KDM4C: variants seen among roughly 807,000 people sequenced by gnomAD.
KDM4C encodes lysine-specific demethylase 4C.
A neutral mutation model predicts 129.3 loss-of-function variants in KDM4C; 81 were observed. That is an observed-to-expected ratio of 0.63 (90% confidence interval 0.52 to 0.75). The LOEUF is 0.75. Among genes scored for constraint, KDM4C ranks in the 30% least tolerant of loss-of-function variants. The pLI is 0.00. For missense variants in KDM4C, 1,457 were observed against 1,304.0 expected (o/e 1.12, Z -1.81); for synonymous variants, 573 against 456.1 (o/e 1.26, Z -3.26).
At chr9:6,811,515 T>C (rs1338585647) in intron 3 of KDM4C, among the ~76,000 whole-genome samples, 2 of 152,174 alleles carry the variant, frequency 1.3e-5, no homozygotes, top group Non-Finnish European at 2.9e-5. Flanking sequence ...GACGATGACA[T>C]GCTCATTTGG....
chr9:6,787,551 T>C (rs1215337538), intron 1 of KDM4C, among the ~76,000 whole-genome samples: 2 of 152,254 alleles, frequency 1.3e-5, no homozygotes, highest in Admixed American at 6.5e-5. Flanking sequence ...ATTCTTCTGT[T>C]GCTTAGACCA....
chr9:7,171,947 A>ACGGT (rs1845008174), intron 21 of KDM4C, among the ~76,000 whole-genome samples: 1 of 152,216 alleles, frequency 6.6e-6, no homozygotes, highest in Non-Finnish European at 1.5e-5. Flanking sequence ...ACAAAGGCTC[A>ACGGT]CGGTCACTAA....
At chr9:7,136,000 G>A (rs1841165223) in intron 19 of KDM4C, among the ~76,000 whole-genome samples, 1 of 152,234 alleles carries the variant, frequency 6.6e-6, no homozygotes, top group South Asian at 2.1e-4. Flanking sequence ...AAAACACCCA[G>A]TGGAGGTTAT....
intron 8 of KDM4C, among the ~76,000 whole-genome samples, chr9:6,933,925 T>C (rs1029892692): frequency 6.6e-5 from 10 of 151,924 alleles, no homozygotes; most frequent in African/African-American, 9.7e-5. Context: ...TCTTGGCTCA[T>C]GACAATCTCC....
At chr9:6,963,063 A>C (rs1299699557) in intron 8 of KDM4C, among the ~76,000 whole-genome samples, 1 of 152,208 alleles carries the variant, frequency 6.6e-6, no homozygotes, top group Non-Finnish European at 1.5e-5. Context: ...AACTTTATGC[A>C]AATTACTTAA....
intron 4 of KDM4C, among the ~76,000 whole-genome samples, chr9:6,843,906 A>G (rs1337276246): frequency 6.6e-6 from 1 of 152,124 alleles, no homozygotes; most frequent in Admixed American, 6.5e-5. Context: ...GCTGGAGTGC[A>G]GTGGCACAAT....
At chr9:6,893,040 T>C in intron 7 of KDM4C, 55 bp from the exon 8 acceptor site, 3 of 1,292,376 alleles carry the variant, frequency 2.3e-6, no homozygotes, top group Non-Finnish European at 3.1e-6. Context: ...TTAATTGTAT[T>C]CATAATTTAG....
At chr9:6,930,987 T>C (rs1163471110) in intron 8 of KDM4C, among the ~76,000 whole-genome samples, 2 of 152,162 alleles carry the variant, frequency 1.3e-5, no homozygotes, top group Non-Finnish European at 2.9e-5. Flanking sequence ...TGCTGAAATA[T>C]GCAACTGCAT....
At chr9:6,907,532 T>C (rs1461649302) in intron 8 of KDM4C, among the ~76,000 whole-genome samples, 1 of 152,200 alleles carries the variant, frequency 6.6e-6, no homozygotes, top group African/African-American at 2.4e-5. Context: ...ATTTGTTTCC[T>C]CCAGAATATT....
chr9:7,007,764 T>C (rs765827412), intron 12 of KDM4C, among the ~76,000 whole-genome samples: 6 of 152,178 alleles, frequency 3.9e-5, no homozygotes, highest in Non-Finnish European at 7.3e-5. Flanking sequence ...TTATTGATAT[T>C]TACTTACTGG....
At chr9:6,899,740 T>C (rs1817079965) in intron 8 of KDM4C, among the ~76,000 whole-genome samples, 1 of 152,226 alleles carries the variant, frequency 6.6e-6, no homozygotes, top group South Asian at 2.1e-4. Context: ...GTCTGAGACT[T>C]CAGGTATGAT....
intron 8 of KDM4C, among the ~76,000 whole-genome samples, chr9:6,950,942 G>A (rs557462949): frequency 6.6e-6 from 1 of 152,222 alleles, no homozygotes; most frequent in Non-Finnish European, 1.5e-5. Context: ...TTGAATTTTG[G>A]GGGGAGGAGG....
chr9:7,014,939 CA>C (rs1159924847), intron 14 of KDM4C, among the ~76,000 whole-genome samples: 5 of 151,434 alleles, frequency 3.3e-5, no homozygotes. Flanking sequence ...CACACACACA[CA>C]CACACACACA....
At chr9:7,055,079 A>G (rs774781630) in intron 17 of KDM4C, among the ~76,000 whole-genome samples, 10 of 152,132 alleles carry the variant, frequency 6.6e-5, no homozygotes, top group South Asian at 2.1e-4. Context: ...TCGGGAGCCT[A>G]TCGCAGGAGA....
chr9:6,773,180 T>G (rs2130651908), intron 1 of KDM4C, among the ~76,000 whole-genome samples: 2 of 151,964 alleles, frequency 1.3e-5, no homozygotes, highest in Middle Eastern at 6.8e-3. Flanking sequence ...TTTAATTTTA[T>G]TTGGAGAGAC....
At chr9:7,140,140 T>G (rs993777589) in intron 19 of KDM4C, among the ~76,000 whole-genome samples, 4 of 152,148 alleles carry the variant, frequency 2.6e-5, no homozygotes, top group African/African-American at 4.8e-5. Context: ...GGAGACAGCC[T>G]TTCCCTGGTG....
At chr9:6,798,982 A>G (rs187041501) in intron 2 of KDM4C, among the ~76,000 whole-genome samples, 32 of 111,368 alleles carry the variant, frequency 2.9e-4, no homozygotes, top group African/African-American at 7.7e-4. Flanking sequence ...CCGGGCAGAG[A>G]CGCTCCTCAC....
chr9:6,917,578 G>A (rs1820549270), intron 8 of KDM4C, among the ~76,000 whole-genome samples: 1 of 152,156 alleles, frequency 6.6e-6, no homozygotes, highest in Non-Finnish European at 1.5e-5. Flanking sequence ...TAAGCATGCA[G>A]CCATCCCATT....
At chr9:7,121,600 T>G (rs986772726) in intron 18 of KDM4C, among the ~76,000 whole-genome samples, 1 of 152,134 alleles carries the variant, frequency 6.6e-6, no homozygotes, top group Non-Finnish European at 1.5e-5. Flanking sequence ...GTTTGGAAAT[T>G]TACCACAGTG....
Sources: allele counts gnomAD v4.1 joint callset (sites outside exome capture counted in the v4.1 genomes callset), GRCh38; gene constraint gnomAD v4.1.1; transcripts MANE v1.5; gene names NCBI Gene and HGNC (gene_info 2026-07-23, HGNC 2026-07-21).